WWOX: variants seen among roughly 807,000 people sequenced by gnomAD.
The protein encoded by WWOX is WW domain containing oxidoreductase.
In WWOX, 69 loss-of-function variants were observed where a neutral mutation model predicts 46.2. The observed-to-expected ratio is 1.49, with a 90% confidence interval of 1.23 to 1.82. The LOEUF (loss-of-function observed/expected upper bound fraction) is 1.82. WWOX is among the 40% of genes most tolerant of loss of function. The pLI is 0.00. For missense variants in WWOX, 919 were observed against 542.6 expected (o/e 1.69, Z -6.89); for synonymous variants, 359 against 202.6 (o/e 1.77, Z -6.56).
At chr16:78,665,844 C>T (rs1597415167) in intron 8 of WWOX, among the ~76,000 whole-genome samples, 1 of 152,228 alleles carries the variant, frequency 6.6e-6, no homozygotes, top group East Asian at 1.9e-4. Context: ...ACCACCATGC[C>T]CGGCTAATTT....
intron 8 of WWOX, among the ~76,000 whole-genome samples, chr16:78,582,155 T>C (rs1165637378): frequency 6.6e-6 from 1 of 152,188 alleles, no homozygotes; most frequent in Non-Finnish European, 1.5e-5. Context: ...TACAGTTATA[T>C]GTTCAGCACA....
At chr16:78,455,294 G>A (rs575815802) in intron 8 of WWOX, among the ~76,000 whole-genome samples, 1 of 143,226 alleles carries the variant, frequency 7.0e-6, no homozygotes, top group Non-Finnish European at 1.5e-5. Flanking sequence ...ACAAAGTTAT[G>A]GGGGTGCTAA....
intron 8 of WWOX, among the ~76,000 whole-genome samples, chr16:78,721,003 C>G (rs1339786409): frequency 6.6e-6 from 1 of 152,136 alleles, no homozygotes; most frequent in East Asian, 1.9e-4. Context: ...TGCCTTTCAG[C>G]TGGTGAATTT....
At chr16:78,886,839 G>A (rs544515082) in intron 8 of WWOX, among the ~76,000 whole-genome samples, 3 of 152,154 alleles carry the variant, frequency 2.0e-5, no homozygotes, top group Admixed American at 6.5e-5. Context: ...CTTCCTTCTT[G>A]GAAAGCTTTG....
At chr16:78,942,224 T>A (rs1183502943) in intron 8 of WWOX, among the ~76,000 whole-genome samples, 1 of 152,162 alleles carries the variant, frequency 6.6e-6, no homozygotes, top group East Asian at 1.9e-4. Context: ...TATAGTCAAT[T>A]CCCTTTAAAG....
chr16:79,075,552 T>TCTC (rs1491334027), intron 8 of WWOX, among the ~76,000 whole-genome samples: 5 of 62 alleles, frequency 0.081, no homozygotes, highest in African/African-American at 0.5. Flanking sequence ...TCTCTCTCTC[T>TCTC]TTTTTTTTTT....
At chr16:79,055,005 A>G (rs911405846) in intron 8 of WWOX, among the ~76,000 whole-genome samples, 3 of 152,232 alleles carry the variant, frequency 2.0e-5, no homozygotes, top group African/African-American at 4.8e-5. Context: ...TCAGGCTGAT[A>G]AAACAACCTG....
chr16:78,877,902 C>T (rs1401370215), intron 8 of WWOX, among the ~76,000 whole-genome samples: 1 of 152,154 alleles, frequency 6.6e-6, no homozygotes, highest in Non-Finnish European at 1.5e-5. Context: ...GACTTCAGCG[C>T]CCACAGATAC....
chr16:78,739,209 T>C (rs1012800192), intron 8 of WWOX, among the ~76,000 whole-genome samples: 1 of 152,074 alleles, frequency 6.6e-6, no homozygotes, highest in African/African-American at 2.4e-5. Flanking sequence ...CGGCTAAAAT[T>C]GTGTTTGCCG....
intron 8 of WWOX, among the ~76,000 whole-genome samples, chr16:78,806,922 T>C (rs2051055806): frequency 6.6e-6 from 1 of 152,140 alleles, no homozygotes; most frequent in Non-Finnish European, 1.5e-5. Context: ...TGGCAAGGGG[T>C]CAGGAAACCT....
intron 5 of WWOX, among the ~76,000 whole-genome samples, chr16:78,230,137 C>T (rs961296447): frequency 4.7e-5 from 7 of 149,156 alleles, no homozygotes; most frequent in African/African-American, 1.7e-4. Flanking sequence ...ACCTCGGCCT[C>T]CCAAAGTGTT....
intron 5 of WWOX, among the ~76,000 whole-genome samples, chr16:78,337,402 G>A (rs1169363847): frequency 6.6e-6 from 1 of 152,136 alleles, no homozygotes; most frequent in Admixed American, 6.5e-5. Context: ...ACTGATCCCT[G>A]GTCCTGCCCC....
In WWOX at chr16:78,424,954, A is replaced by G. The variant is rs372408512; in HGVS notation, c.690A>G (p.Gln230=). ...AAGATGGCCTGGAGACCACCTTTCA[A>G]GTGAATCATCTGGGGCACTTCTACC... ...LTKDGLETTF[Q]VNHLGHFYLV... is the part of the protein sequence containing the mutation. The change falls in exon 7 of 9, where the codon CAA becomes CAG. Residue 230 remains glutamine (Q), a synonymous_variant. Coordinates refer to ENST00000566780, the MANE Select transcript of WWOX (RefSeq NM_016373.4). 1.1e-5 allele frequency: 17 copies of G among 1,614,098 alleles called. No homozygotes were observed. The Admixed American group carries it at 2.8e-4, about 27-fold the overall frequency.
intron 8 of WWOX, among the ~76,000 whole-genome samples, chr16:78,929,802 A>G (rs1392599813): frequency 2.0e-5 from 3 of 152,244 alleles, no homozygotes; most frequent in Non-Finnish European, 1.5e-5. Context: ...GGGCAATGCC[A>G]TAAATCCAAG....
intron 8 of WWOX, among the ~76,000 whole-genome samples, chr16:78,768,214 C>G (rs1249963016): frequency 7.2e-6 from 1 of 138,256 alleles, no homozygotes; most frequent in East Asian, 2.0e-4. Flanking sequence ...TCTGAAGCAA[C>G]TAGGTCACAG....
intron 8 of WWOX, among the ~76,000 whole-genome samples, chr16:78,650,449 G>C (rs2046941793): frequency 6.6e-6 from 1 of 152,074 alleles, no homozygotes; most frequent in Admixed American, 6.5e-5. Context: ...TTGCTTCCTA[G>C]GCTGTCCACC....
chr16:78,391,501 C>T (rs1031416206), intron 6 of WWOX, among the ~76,000 whole-genome samples: 1 of 152,182 alleles, frequency 6.6e-6, no homozygotes, highest in Non-Finnish European at 1.5e-5. Flanking sequence ...TTGCACACTT[C>T]AGTCATAGGA....
chr16:78,532,789 G>T (rs2043654274), intron 8 of WWOX, among the ~76,000 whole-genome samples: 2 of 152,036 alleles, frequency 1.3e-5, no homozygotes, highest in African/African-American at 4.8e-5. Context: ...GAACACCTTG[G>T]GAAAGACCTG....
At chr16:78,378,175 G>C (rs576142312) in intron 5 of WWOX, among the ~76,000 whole-genome samples, 1 of 152,060 alleles carries the variant, frequency 6.6e-6, no homozygotes, top group South Asian at 2.1e-4. Flanking sequence ...CATTTTTGGT[G>C]TGGTTCTGTG....
Sources: allele counts gnomAD v4.1 joint callset (sites outside exome capture counted in the v4.1 genomes callset), GRCh38; gene constraint gnomAD v4.1.1; transcripts MANE v1.5; gene names NCBI Gene and HGNC (gene_info 2026-07-23, HGNC 2026-07-21).